KIAA1671: variants seen among roughly 807,000 people sequenced by gnomAD.
KIAA1671 encodes the protein uncharacterized protein KIAA1671.
In KIAA1671, 52 loss-of-function variants were observed where a neutral mutation model predicts 131.2. The ratio of observed to expected loss-of-function variants is 0.40; its 90% CI spans 0.32 to 0.50. The LOEUF (loss-of-function observed/expected upper bound fraction) is 0.50, where lower values mean the gene tolerates loss of function less well. KIAA1671 is among the 20% of genes least tolerant of loss of function. The pLI is 0.73. For missense variants in KIAA1671, 2,360 were observed against 2,364.2 expected, an observed-to-expected ratio of 1.00 and a Z score of 0.04; for synonymous variants, 1,003 against 961.6, an observed-to-expected ratio of 1.04 and a Z score of -0.80.
intron 1 of KIAA1671, chr22:25,011,176 T>C (rs1301444636): frequency 6.7e-6 from 1 of 150,098 alleles, no homozygotes; most frequent in Admixed American, 6.7e-5. Context: ...GAAGTCTCAC[T>C]CTGTCGCCTA....
chr22:25,148,641 A>C (rs539428770), intron 6 of KIAA1671, among the ~76,000 whole-genome samples: 1 of 152,190 alleles, frequency 6.6e-6, no homozygotes, highest in Non-Finnish European at 1.5e-5. Flanking sequence ...ACTTTATCCA[A>C]CTGGCACCAC....
chr22:25,124,902 A>G (rs1932106794), intron 6 of KIAA1671, among the ~76,000 whole-genome samples: 1 of 152,054 alleles, frequency 6.6e-6, no homozygotes, highest in Non-Finnish European at 1.5e-5. Context: ...GACTACAGGC[A>G]TGTGTCACCA....
chr22:25,045,533 T>C (rs2145814369), intron 5 of KIAA1671, among the ~76,000 whole-genome samples: 1 of 152,336 alleles, frequency 6.6e-6, no homozygotes, highest in South Asian at 2.1e-4. Context: ...GACTTAGATA[T>C]AGGTAAATAC....
chr22:25,109,646 A>C (rs1931229903), intron 6 of KIAA1671, among the ~76,000 whole-genome samples: 1 of 152,206 alleles, frequency 6.6e-6, no homozygotes, highest in South Asian at 2.1e-4. Flanking sequence ...ATGCAAAAAA[A>C]TTCATTAGTT....
intron 6 of KIAA1671, among the ~76,000 whole-genome samples, chr22:25,087,886 T>A (rs1929816638): frequency 6.6e-6 from 1 of 152,108 alleles, no homozygotes; most frequent in African/African-American, 2.4e-5. Flanking sequence ...ACCTGGGGAA[T>A]GGGCGCCCCA....
Position 25,000,937 on chromosome 22 carries a change from C to A in KIAA1671, c.-207-24696C>A, listed in dbSNP as rs911412545. Reference sequence around the variant, plus strand: ...GCTGGGATTATAGGCATGAGCCAGACCCTCATTGTATTTTTGTGTTTTCCC... The same window carrying A: ...GCTGGGATTATAGGCATGAGCCAGAACCTCATTGTATTTTTGTGTTTTCCC... On this transcript the variant is annotated intron_variant, in intron 1 of 12. Coordinates refer to ENST00000358431, the MANE Select transcript of KIAA1671 (RefSeq NM_001145206.2). Among the ~76,000 whole-genome samples the A allele has an allele frequency of 4.0e-5, 6 of 151,784 alleles. No homozygotes were observed. The East Asian group carries it at 1.2e-3, about 29-fold the overall frequency.
At chr22:25,179,516 C>T (rs1264323263) in intron 9 of KIAA1671, 47 of 1,608,204 alleles carry the variant, frequency 2.9e-5, no homozygotes, top group Non-Finnish European at 3.8e-5. Flanking sequence ...CTCGTGCTCG[C>T]GCGGCTCCAC....
intron 1 of KIAA1671, among the ~76,000 whole-genome samples, chr22:24,954,840 G>A (rs988701252): frequency 6.6e-6 from 1 of 152,138 alleles, no homozygotes. Flanking sequence ...GAGTGCAATG[G>A]CGCGATCTCG....
intron 11 of KIAA1671, 26 bp from the exon 12 acceptor site, chr22:25,190,676 G>A (rs567412913): frequency 6.5e-7 from 1 of 1,542,926 alleles, no homozygotes. Context: ...GTTTCAACTA[G>A]TCTCTTACTG....
intron 5 of KIAA1671, among the ~76,000 whole-genome samples, chr22:25,045,118 G>A (rs931472241): frequency 7.9e-5 from 12 of 151,916 alleles, no homozygotes; most frequent in Non-Finnish European, 1.8e-4. Flanking sequence ...CCAAGATCAC[G>A]CCACTGCACT....
chr22:25,150,919 G>A (rs937952970), intron 6 of KIAA1671, among the ~76,000 whole-genome samples: 5 of 145,740 alleles, frequency 3.4e-5, no homozygotes, highest in East Asian at 2.0e-4. Flanking sequence ...TGCAAGCTCC[G>A]CCTCCCGGGT....
At position 25,162,905 on chromosome 22, in the gene KIAA1671, C is replaced by T. The variant is rs149395069; in HGVS notation, c.4531-7915C>T. Reference sequence around the variant, plus strand: ...CCCTTTATAGAAAAAGTTTGCTAAACTCTGGTGTAGATTGACTAAGAGCCT... The same window carrying T: ...CCCTTTATAGAAAAAGTTTGCTAAATTCTGGTGTAGATTGACTAAGAGCCT... On this transcript the variant is annotated intron_variant, in intron 6 of 12. Transcript: ENST00000358431. 5.3e-4 allele frequency among the ~76,000 whole-genome samples: 80 copies of T among 152,360 alleles called. 1 individual carries two copies. The highest frequency in any genetic ancestry group is 3.3e-3 in the Admixed American group (50 of 15,306).
chr22:24,967,715 G>T (rs566235278), intron 1 of KIAA1671, among the ~76,000 whole-genome samples: 12 of 152,304 alleles, frequency 7.9e-5, no homozygotes, highest in African/African-American at 2.6e-4. Flanking sequence ...GATGAGGGCC[G>T]GGCGCGGTGG....
At chr22:25,104,486 C>T (rs978761542) in intron 6 of KIAA1671, among the ~76,000 whole-genome samples, 3 of 152,108 alleles carry the variant, frequency 2.0e-5, no homozygotes, top group East Asian at 1.9e-4. Flanking sequence ...TCCAGAACTC[C>T]GAGGGCAAGA....
intron 1 of KIAA1671, among the ~76,000 whole-genome samples, chr22:24,982,064 G>C (rs1313927480): frequency 2.0e-5 from 3 of 152,054 alleles, no homozygotes; most frequent in African/African-American, 7.2e-5. Flanking sequence ...TGAGTGTAGA[G>C]TCCCCCAAGC....
chr22:25,179,176 G>A lies in KIAA1671; in HGVS notation c.5074+1654G>A, dbSNP rs1285960892. 6.2e-6 allele frequency: 6 copies of A among 962,180 alleles called. No individual in the cohort carries two copies. In the African/African-American group the frequency reaches 6.5e-5, roughly 10 times the overall value. 59.6% of individuals were successfully genotyped at this position (962,180 alleles called of 1,614,324 possible). ...AGGACAGGGCAGGGCGGCTGAGTGC[G>A]GAAGAGAAGCATGAAGCTGGGGGCG... On this transcript the variant is annotated intron_variant, in intron 9 of 12. Transcript: ENST00000358431.
intron 6 of KIAA1671, among the ~76,000 whole-genome samples, chr22:25,108,568 G>A (rs997850684): frequency 6.6e-6 from 1 of 152,208 alleles, no homozygotes; most frequent in Non-Finnish European, 1.5e-5. Flanking sequence ...GGTGGAGGGT[G>A]GAGCCAGGCA....
intron 1 of KIAA1671, among the ~76,000 whole-genome samples, chr22:25,020,357 A>T (rs1475349495): frequency 6.6e-6 from 1 of 152,220 alleles, no homozygotes; most frequent in East Asian, 1.9e-4. Flanking sequence ...AATGTTGTTG[A>T]AAGTGAATAT....
At chr22:25,134,442 G>A (rs182419419) in intron 6 of KIAA1671, among the ~76,000 whole-genome samples, 7 of 151,952 alleles carry the variant, frequency 4.6e-5, no homozygotes, top group Admixed American at 2.6e-4. Context: ...TGATGCATAC[G>A]GTTTTTTCAT....
Sources: allele counts gnomAD v4.1 joint callset (sites outside exome capture counted in the v4.1 genomes callset), GRCh38; gene constraint gnomAD v4.1.1; transcripts MANE v1.5; gene names NCBI Gene and HGNC (gene_info 2026-07-23, HGNC 2026-07-21).